CDH18: variants seen among roughly 807,000 people sequenced by gnomAD.
The protein encoded by CDH18 is cadherin-18.
CDH18 carries 31 observed loss-of-function variants against 67.9 expected under a neutral mutation model. The observed-to-expected ratio is 0.46, with a 90% CI of 0.34 to 0.62. CDH18 has a LOEUF of 0.62. Among genes scored for constraint, CDH18 ranks in the 20% least tolerant of loss-of-function variants. CDH18 has a pLI of 0.01. For synonymous variants in CDH18, 362 were observed against 347.2 expected, an observed-to-expected ratio of 1.04 and a Z score of -0.48; for missense variants, 890 against 975.5, an observed-to-expected ratio of 0.91 and a Z score of 1.17.
At chr5:19,499,883 T>G (rs754535942) in intron 11 of CDH18, among the ~76,000 whole-genome samples, 7 of 152,258 alleles carry the variant, frequency 4.6e-5, no homozygotes, top group Non-Finnish European at 5.9e-5. Context: ...ACTAAACCAA[T>G]AGCTTTCTGA....
chr5:20,188,083 T>C (rs1738243034), intron 2 of CDH18, among the ~76,000 whole-genome samples: 2 of 151,968 alleles, frequency 1.3e-5, no homozygotes, highest in Non-Finnish European at 2.9e-5. Context: ...CAAATATTCA[T>C]ACTATTTACT....
intron 2 of CDH18, among the ~76,000 whole-genome samples, chr5:20,017,979 C>T (rs1738029081): frequency 6.6e-6 from 1 of 152,026 alleles, no homozygotes; most frequent in Non-Finnish European, 1.5e-5. Context: ...TAAAGGCAGG[C>T]ATGCATGAGA....
chr5:20,110,274 T>G (rs1216364299), intron 2 of CDH18, among the ~76,000 whole-genome samples: 2 of 152,226 alleles, frequency 1.3e-5, no homozygotes, highest in Non-Finnish European at 2.9e-5. Context: ...AGTTTTACAG[T>G]TTTGAATCAG....
intron 1 of CDH18, among the ~76,000 whole-genome samples, chr5:19,984,650 C>A (rs560678584): frequency 5.7e-4 from 87 of 152,230 alleles, no homozygotes; most frequent in African/African-American, 2.0e-3. Context: ...TAGTGTAGAC[C>A]TTTACAAATT....
chr5:19,713,021 A>G (rs1045433007), intron 5 of CDH18, among the ~76,000 whole-genome samples: 17 of 151,936 alleles, frequency 1.1e-4, no homozygotes, highest in Non-Finnish European at 1.8e-4. Context: ...CCTGTTATCT[A>G]TTGATTTAAT....
At chr5:19,771,941 C>T (rs1186837063) in intron 3 of CDH18, among the ~76,000 whole-genome samples, 1 of 152,030 alleles carries the variant, frequency 6.6e-6, no homozygotes, top group Non-Finnish European at 1.5e-5. Flanking sequence ...GCAAAATGTA[C>T]CTCTATAAAA....
chr5:20,156,981 A>T (rs1419804675), intron 2 of CDH18, among the ~76,000 whole-genome samples: 1 of 152,150 alleles, frequency 6.6e-6, no homozygotes, highest in Non-Finnish European at 1.5e-5. Flanking sequence ...CCTGGAATGG[A>T]GGCTAGTTCC....
At chr5:20,058,527 G>T (rs1428575407) in intron 2 of CDH18, among the ~76,000 whole-genome samples, 1 of 152,108 alleles carries the variant, frequency 6.6e-6, no homozygotes, top group Non-Finnish European at 1.5e-5. Context: ...ACTTCAGGCT[G>T]CATCTATTGA....
At chr5:19,919,825 T>A (rs971535900) in intron 2 of CDH18, among the ~76,000 whole-genome samples, 2 of 152,190 alleles carry the variant, frequency 1.3e-5, no homozygotes, top group African/African-American at 4.8e-5. Context: ...AGTGTGGACA[T>A]ACAGTTGGCT....
intron 2 of CDH18, among the ~76,000 whole-genome samples, chr5:20,181,969 TC>T (rs1224826831): frequency 3.3e-5 from 5 of 152,074 alleles, no homozygotes; most frequent in Non-Finnish European, 7.4e-5. Flanking sequence ...TATATAAGGA[TC>T]CCTAAGTATG....
chr5:19,691,900 A>G (rs1761939419), intron 5 of CDH18, among the ~76,000 whole-genome samples: 1 of 151,964 alleles, frequency 6.6e-6, no homozygotes, highest in Non-Finnish European at 1.5e-5. Flanking sequence ...ATATGGAACC[A>G]TATAAGAGGC....
At chr5:20,047,081 A>T (rs540097694) in intron 2 of CDH18, among the ~76,000 whole-genome samples, 2 of 151,966 alleles carry the variant, frequency 1.3e-5, no homozygotes, top group East Asian at 3.9e-4. Context: ...AACAAGAGAG[A>T]GTATAAAATG....
chr5:20,338,248 C>G (rs562642324), intron 1 of CDH18, among the ~76,000 whole-genome samples: 1 of 152,204 alleles, frequency 6.6e-6, no homozygotes. Flanking sequence ...CTCTATGAGA[C>G]AAATTAATTT....
chr5:20,364,646 TC>T (rs1742367630), intron 1 of CDH18, among the ~76,000 whole-genome samples: 1 of 152,206 alleles, frequency 6.6e-6, no homozygotes, highest in Non-Finnish European at 1.5e-5. Flanking sequence ...CTGTACCATA[TC>T]CATAACATAT....
rs1405535148 is a variant in CDH18 at position 20,501,556 on chromosome 5, A to T, written c.-580+73906T>A. On this transcript the variant is annotated intron_variant, in intron 1 of 14. Transcript: ENST00000507958. Reference sequence around the variant, plus strand: ...TATATTATATACATATTATATATATAATATATATATATAATATATATATAT... The same window carrying T: ...TATATTATATACATATTATATATATTATATATATATATAATATATATATAT... Among the ~76,000 whole-genome samples the T allele has an allele frequency of 7.2e-4, 42 of 58,414 alleles. 1 individual carries two copies. The highest frequency in any genetic ancestry group is 9.8e-4 in the Non-Finnish European group (33 of 33,802). 38.3% of individuals were successfully genotyped at this position (58,414 alleles called of 152,430 possible).
intron 3 of CDH18, among the ~76,000 whole-genome samples, chr5:19,769,734 A>C (rs1417063620): frequency 6.6e-6 from 1 of 152,086 alleles, no homozygotes. Context: ...GGACAAATAA[A>C]AATATAGATA....
chr5:20,148,303 T>C (rs1298483855), intron 2 of CDH18, among the ~76,000 whole-genome samples: 3 of 152,070 alleles, frequency 2.0e-5, no homozygotes, highest in Admixed American at 6.6e-5. Flanking sequence ...TTCACTGTGT[T>C]AGCCAGGATG....
intron 1 of CDH18, among the ~76,000 whole-genome samples, chr5:20,572,234 A>T (rs1758859702): frequency 6.6e-6 from 1 of 150,958 alleles, no homozygotes; most frequent in Admixed American, 6.6e-5. Flanking sequence ...GAAAAAAAAA[A>T]GGTAATATTC....
Position 20,362,127 on chromosome 5 carries a change from C to G in CDH18, c.-579-106622G>C, listed in dbSNP as rs540277894. Among the ~76,000 whole-genome samples, 9 of 152,084 alleles carry G rather than the reference C, an allele frequency of 5.9e-5. 1 individual carries two copies. Among genetic ancestry groups the G allele is most frequent in the Non-Finnish European group, 1.2e-4 (8 of 67,988 alleles). ...TGTCAAGGAATGTAATTTAGTCAGG[C>G]AGGAATCATAAACATTTACATTAAT... On this transcript the variant is annotated intron_variant, in intron 1 of 14. Transcript: ENST00000507958.
Sources: gnomAD v4.1 joint callset for allele counts (sites outside exome capture counted in the v4.1 genomes callset) on GRCh38, gnomAD v4.1.1 for gene constraint, MANE v1.5 for transcripts, NCBI Gene and HGNC (gene_info 2026-07-23, HGNC 2026-07-21) for gene names.